ITGA11: variants seen among roughly 807,000 people sequenced by gnomAD.
The protein encoded by ITGA11 is integrin subunit alpha 11.
ITGA11 carries 97 observed loss-of-function variants against 141.9 expected under a neutral mutation model. The observed-to-expected ratio is 0.68, with a 90% confidence interval of 0.58 to 0.81. ITGA11 has a LOEUF of 0.81. Ranked by LOEUF, ITGA11 falls within the 30% of genes least tolerant of loss-of-function variation. The pLI, the probability that ITGA11 is intolerant of heterozygous loss-of-function variation, is 0.00. For missense variants in ITGA11, 1,387 were observed against 1,559.2 expected (o/e 0.89, Z 1.86); for synonymous variants, 658 against 624.6 (o/e 1.05, Z -0.80).
rs1279583731 is a variant in ITGA11, at chr15:68,307,425, T to C, written c.3304A>G (p.Lys1102Glu). 6.4e-7 allele frequency: 1 copy of C among 1,557,418 alleles called. No homozygotes were observed. The change falls in exon 28 of 30, where the codon AAA becomes GAA. Residue 1102 changes from lysine to glutamate, a missense_variant. Physicochemically the swap from Lys to Glu is moderately conservative, Grantham distance 56. Transcript: ENST00000315757. The surrounding 1 kb of genome is among the most constrained non-coding windows in gnomAD (Gnocchi z 6.1). ...SLKALKYKSMKIMVNAALQRQ... is the reference protein window; with the variant it reads ...SLKALKYKSMEIMVNAALQRQ... ...TGCAAGGCTGCGTTGACCATGATTT[T>C]CATGGATTTGTACTTGAGCTGTGCA... is the stretch of plus-strand genomic sequence containing the variant.
chr15:68,411,962 C>T (rs1371860918), intron 1 of ITGA11, among the ~76,000 whole-genome samples: 1 of 151,996 alleles, frequency 6.6e-6, no homozygotes, highest in Non-Finnish European at 1.5e-5. Flanking sequence ...TAGCTGAGGT[C>T]AGCACCCCCA....
At chr15:68,397,440 A>ATAT (rs375920739) in intron 2 of ITGA11, among the ~76,000 whole-genome samples, 6,599 of 11,282 alleles carry the variant, frequency 0.58, 2,809 homozygotes, top group East Asian at 0.97. Flanking sequence ...TATAATAATA[A>ATAT]ATTAATAAAA....
In ITGA11 at chr15:68,328,436, G is replaced by A. The variant is rs1039460865; in HGVS notation, c.1902-174C>T. Among the ~76,000 whole-genome samples, 1 of 152,092 alleles carries A rather than the reference G, an allele frequency of 6.6e-6. No homozygotes were observed. The highest frequency in any genetic ancestry group is 1.5e-5 in the Non-Finnish European group (1 of 68,000). ...ATGGAGGGGGCTTCGGATGTCAAAG[G>A]ACTGGCAAGAGCGAGCACGGGGCGA... On this transcript the variant is annotated intron_variant, in intron 15 of 29. Transcript: ENST00000315757. This position sits in a 1 kb window ranked among gnomAD's most constrained non-coding sequence, Gnocchi z 4.8.
Position 68,430,903 on chromosome 15 carries a change from G to A in ITGA11, c.52+1112C>T, listed in dbSNP as rs564910971. Among the ~76,000 whole-genome samples the A allele has an allele frequency of 1.7e-4, 26 of 152,358 alleles. No individual in the cohort carries two copies. The East Asian group carries it at 5.0e-3, about 29-fold the overall frequency. ...GTGGTACCCGGGGACTGGGGCAAGC[G>A]GCTGCGGGATAGGGGTCTCCACCTG... is the stretch of plus-strand genomic sequence containing the variant. On this transcript the variant is annotated intron_variant, in intron 1 of 29. Coordinates refer to ENST00000315757, the MANE Select transcript of ITGA11 (RefSeq NM_001004439.2).
Position 68,307,554 on chromosome 15 carries a change from T to C in ITGA11, c.3285+32A>G, listed in dbSNP as rs1431452437. On this transcript the variant is annotated intron_variant, in intron 27 of 29. Coordinates refer to ENST00000315757, the MANE Select transcript of ITGA11 (RefSeq NM_001004439.2). The surrounding 1 kb of genome is among the most constrained non-coding windows in gnomAD (Gnocchi z 6.1). Reference sequence around the variant, plus strand: ...CCAACAGCCGCCCCCTTTCCCTTCTTCCTTCCAGCCCAGCCCAGGGGCTCT... The same window carrying C: ...CCAACAGCCGCCCCCTTTCCCTTCTCCCTTCCAGCCCAGCCCAGGGGCTCT... The C allele has an allele frequency of 6.4e-7, 1 of 1,564,282 alleles. No individual in the cohort carries two copies. Among genetic ancestry groups the C allele is most frequent in the Non-Finnish European group, 8.8e-7 (1 of 1,141,970 alleles).
intron 2 of ITGA11, among the ~76,000 whole-genome samples, chr15:68,377,859 G>A (rs1895766969): frequency 1.3e-5 from 2 of 152,176 alleles, no homozygotes; most frequent in African/African-American, 4.8e-5. Flanking sequence ...TATGGGGTGA[G>A]GAGTCCTAGG....
Position 68,331,115 on chromosome 15 carries a change from C to T in ITGA11, c.1771-4G>A, listed in dbSNP as rs1290612604. On this transcript the variant is annotated splice_region_variant and splice_polypyrimidine_tract_variant and intron_variant, in intron 14 of 29. Coordinates refer to ENST00000315757, the MANE Select transcript of ITGA11 (RefSeq NM_001004439.2). ...CCAGCTCTGAGGCTGTGATTCTCTG[C>T]AGGGCGCGGGAAGAGAGGGGGAGGG... is the stretch of plus-strand genomic sequence containing the variant. 1.3e-6 allele frequency: 2 copies of T among 1,587,662 alleles called. No homozygotes were observed. Among genetic ancestry groups the T allele is most frequent in the South Asian group, 2.3e-5 (2 of 86,970 alleles).
At position 68,328,075 on chromosome 15, in the gene ITGA11, G is replaced by C. The variant is rs1319143356; in HGVS notation, c.2068+21C>G. ...GGAGACTGGAGTCTGGGGGTGGGGAGAAAGGAGGGGCCTGCTTTACCAACA... is the reference window on the plus strand; with the variant it reads ...GGAGACTGGAGTCTGGGGGTGGGGACAAAGGAGGGGCCTGCTTTACCAACA... On this transcript the variant is annotated intron_variant, in intron 16 of 29. Coordinates refer to ENST00000315757, the MANE Select transcript of ITGA11 (RefSeq NM_001004439.2). The surrounding 1 kb of genome is among the most constrained non-coding windows in gnomAD (Gnocchi z 4.8). The C allele has an allele frequency of 6.2e-7, 1 of 1,606,072 alleles. No homozygotes were observed. Among genetic ancestry groups the C allele is most frequent in the Non-Finnish European group, 8.5e-7 (1 of 1,176,024 alleles).
chr15:68,323,164 C>G (rs1447220322), intron 18 of ITGA11, among the ~76,000 whole-genome samples: 1 of 152,204 alleles, frequency 6.6e-6, no homozygotes, highest in Non-Finnish European at 1.5e-5. Flanking sequence ...CCCCTCAGCT[C>G]CCCACCGCAA....
At chr15:68,310,456 A>T (rs1893344072) in intron 26 of ITGA11, among the ~76,000 whole-genome samples, 1 of 152,188 alleles carries the variant, frequency 6.6e-6, no homozygotes, top group Non-Finnish European at 1.5e-5. Context: ...GCAGGGTGAG[A>T]AACTGGTATC....
chr15:68,413,917 A>G (rs572775272), intron 1 of ITGA11, among the ~76,000 whole-genome samples: 3 of 152,236 alleles, frequency 2.0e-5, no homozygotes, highest in Non-Finnish European at 4.4e-5. Context: ...GAACGAAAGA[A>G]AATCACCATC....
chr15:68,313,888 G>A lies in ITGA11; in HGVS notation c.2793-20C>T, dbSNP rs1326878222. 3 of 1,605,500 alleles carry A rather than the reference G, an allele frequency of 1.9e-6. No homozygotes were observed. Among genetic ancestry groups the A allele is most frequent in the Non-Finnish European group, 1.7e-6 (2 of 1,172,416 alleles). On this transcript the variant is annotated intron_variant, in intron 22 of 29. Coordinates refer to ENST00000315757, the MANE Select transcript of ITGA11 (RefSeq NM_001004439.2). ...CTGTCACTGCAAGGAGAGCCAGGCG[G>A]CAAGGTCAGGAAGGGGCTCAGCCAG...
At chr15:68,368,859 C>CTTTTT (rs1491217604) in intron 3 of ITGA11, among the ~76,000 whole-genome samples, 60 of 69,036 alleles carry the variant, frequency 8.7e-4, no homozygotes, top group African/African-American at 3.2e-3. Flanking sequence ...GACAGGAAGT[C>CTTTTT]CTTTTTTTTT....
At position 68,325,106 on chromosome 15, in the gene ITGA11, G is replaced by T; in HGVS notation, c.2322+25C>A. 6.4e-7 allele frequency: 1 copy of T among 1,560,062 alleles called. No homozygotes were observed. The highest frequency in any genetic ancestry group is 8.8e-7 in the Non-Finnish European group (1 of 1,130,772). Reference sequence around the variant, plus strand: ...GGTGGGGGTGGGGTTCATGCCCGAGGTGCGTGCCCTGTACCGAGATGTACC... The same window carrying T: ...GGTGGGGGTGGGGTTCATGCCCGAGTTGCGTGCCCTGTACCGAGATGTACC... On this transcript the variant is annotated intron_variant, in intron 18 of 29. Transcript: ENST00000315757. The surrounding 1 kb of genome is among the most constrained non-coding windows in gnomAD (Gnocchi z 5.5).
Position 68,335,474 on chromosome 15 carries a change from C to A in ITGA11, c.1425+223G>T, listed in dbSNP as rs1466018884. Among the ~76,000 whole-genome samples, 1 of 152,240 alleles carries A rather than the reference C, an allele frequency of 6.6e-6. No homozygotes were observed. The highest frequency in any genetic ancestry group is 2.4e-5 in the African/African-American group (1 of 41,464). ...CAGCCTTCCCATTCCTCATTGCTTC[C>A]ATTCCAGGAAAAGGGAAGCAGCTGG... On this transcript the variant is annotated intron_variant, in intron 12 of 29. Transcript: ENST00000315757. This position sits in a 1 kb window ranked among gnomAD's most constrained non-coding sequence, Gnocchi z 4.9.
At chr15:68,311,808 C>T (rs1022979596) in intron 24 of ITGA11, among the ~76,000 whole-genome samples, 1 of 152,226 alleles carries the variant, frequency 6.6e-6, no homozygotes, top group Non-Finnish European at 1.5e-5. Context: ...ATTAATTAAA[C>T]TCGCTATTTA....
chr15:68,329,299 A>G (rs1298392898), intron 15 of ITGA11, among the ~76,000 whole-genome samples: 5 of 152,166 alleles, frequency 3.3e-5, no homozygotes, highest in Non-Finnish European at 7.3e-5. Context: ...TTGACTTCCC[A>G]TTGGAATCAC....
In ITGA11 at chr15:68,299,145, T is replaced by C. The variant is rs1892970360; in HGVS notation, c.*3914A>G. On this transcript the variant is annotated 3_prime_UTR_variant, in exon 30 of 30. Transcript: ENST00000315757. Reference sequence around the variant, plus strand: ...GTACTCTACTTTGGACCTGGTAAGTTTGCTAGGTACGGCTTAGCATACATC... The same window carrying C: ...GTACTCTACTTTGGACCTGGTAAGTCTGCTAGGTACGGCTTAGCATACATC... 2.0e-5 allele frequency: 3 copies of C among 152,206 alleles called. No homozygotes were observed. Among genetic ancestry groups the C allele is most frequent in the Admixed American group, 2.0e-4 (3 of 15,278 alleles). 9.4% of individuals were successfully genotyped at this position (152,206 alleles called of 1,614,324 possible). A position where few individuals can be genotyped will look rare whatever the true frequency, so the allele number is the denominator to read the frequency against.
Position 68,318,390 on chromosome 15 carries a change from T to C in ITGA11, c.2617-1027A>G, listed in dbSNP as rs138160906. Among the ~76,000 whole-genome samples the C allele has an allele frequency of 6.5e-3, 983 of 152,236 alleles. 14 individuals carry two copies. The highest frequency in any genetic ancestry group is 0.023 in the African/African-American group (940 of 41,510). On this transcript the variant is annotated intron_variant, in intron 20 of 29. Transcript: ENST00000315757. ...CAGGGAAGCAGGGGAAGGCGGATGC[T>C]GGTGTGGGGCTTGATTCCCTCCGTA...
Sources: gnomAD v4.1 joint callset for allele counts (sites outside exome capture counted in the v4.1 genomes callset) on GRCh38, gnomAD v4.1.1 for gene constraint, Gnocchi (gnomAD v3.1) non-coding constraint, MANE v1.5 for transcripts, NCBI Gene and HGNC (gene_info 2026-07-23, HGNC 2026-07-21) for gene names.